The following ENO4 variants were observed in gnomAD, a reference collection of about 807,000 sequenced individuals.
ENO4 encodes the protein 2-phospho-D-glycerate hydro-lyase.
Under a neutral mutation model 63.2 loss-of-function variants are expected in ENO4, and 53 were observed. That is an observed-to-expected ratio of 0.84 (90% CI 0.67 to 1.05). The LOEUF (loss-of-function observed/expected upper bound fraction) is 1.05, where lower values mean the gene tolerates loss of function less well. ENO4 is among the 50% of genes least tolerant of loss of function. The pLI is 0.00. For missense variants in ENO4, 719 were observed against 772.0 expected, an observed-to-expected ratio of 0.93 and a Z score of 0.81; for synonymous variants, 266 against 283.8, an observed-to-expected ratio of 0.94 and a Z score of 0.63.
chr10:116,867,657 A>G (rs187196183), intron 7 of ENO4, among the ~76,000 whole-genome samples: 87 of 152,312 alleles, frequency 5.7e-4, no homozygotes, highest in Non-Finnish European at 9.4e-4. Context: ...ATTCTTAGTA[A>G]GGTAGACAGA....
chr10:116,910,984 T>G (rs933095235), intron 10 of ENO4, among the ~76,000 whole-genome samples: 3 of 152,240 alleles, frequency 2.0e-5, no homozygotes, highest in Non-Finnish European at 4.4e-5. Context: ...GATGTCTACA[T>G]GCAATGCATA....
intron 10 of ENO4, among the ~76,000 whole-genome samples, chr10:116,905,324 C>T (rs1454797971): frequency 2.0e-5 from 3 of 151,642 alleles, no homozygotes; most frequent in South Asian, 2.1e-4. Flanking sequence ...TTATATGTTA[C>T]GGGGAGGCTG....
At chr10:116,865,053 C>T (rs1846515577) in intron 7 of ENO4, among the ~76,000 whole-genome samples, 1 of 152,106 alleles carries the variant, frequency 6.6e-6, no homozygotes, top group African/African-American at 2.4e-5. Context: ...CAACAGAGAA[C>T]AGTGTTTAAA....
intron 10 of ENO4, chr10:116,901,800 T>C (rs1290489182): frequency 1.2e-6 from 2 of 1,601,642 alleles, no homozygotes; most frequent in Admixed American, 3.6e-5. Context: ...ATCCTTCCAA[T>C]TTACGGGGCC....
At chr10:116,859,390 G>A (rs369484934) in intron 4 of ENO4, among the ~76,000 whole-genome samples, 6 of 152,138 alleles carry the variant, frequency 3.9e-5, no homozygotes, top group East Asian at 1.9e-4. Context: ...TGCATTGAGC[G>A]GTGCCAAATT....
chr10:116,873,780 T>C (rs1483020621), intron 9 of ENO4: 2 of 750,036 alleles, frequency 2.7e-6, no homozygotes, highest in South Asian at 1.2e-4. Context: ...CAGCCAAGTC[T>C]AACAGATTAT....
chr10:116,879,160 C>A (rs1440446849), intron 11 of ENO4, 131 bp from the exon 12 acceptor site: 1 of 620,060 alleles, frequency 1.6e-6, no homozygotes, highest in Non-Finnish European at 2.8e-6. Context: ...ACGTTAGAAT[C>A]CTAGGTAGGC....
chr10:116,861,240 T>G, intron 6 of ENO4, 50 bp downstream of exon 6: 1 of 337,460 alleles, frequency 3.0e-6, no homozygotes, highest in Non-Finnish European at 4.7e-6. Flanking sequence ...AAAAAAAATA[T>G]ATATATATAT....
At position 116,901,119 on chromosome 10, in the gene ENO4, C is replaced by T. The variant is rs1051970736; in HGVS notation, c.1195-10380C>T. The T allele has an allele frequency of 9.1e-6, 9 of 985,226 alleles. No individual in the cohort carries two copies. In the African/African-American group the frequency reaches 1.4e-4, roughly 15 times the overall value. 61.0% of individuals were successfully genotyped at this position (985,226 alleles called of 1,614,324 possible). ...CTTTAAGTGACAAACTAGCTGACATCCTGGCAAGAGAACTAAAGCAAAACT... is the reference window on the plus strand; with the variant it reads ...CTTTAAGTGACAAACTAGCTGACATTCTGGCAAGAGAACTAAAGCAAAACT... On this transcript the variant is annotated intron_variant, in intron 10 of 10. Transcript: ENST00000369207.
rs1199998915 is a variant in ENO4, at chr10:116,882,504, G to C, written c.*835G>C. On this transcript the variant is annotated 3_prime_UTR_variant, in exon 14 of 14. Transcript: ENST00000341276. ...GGAGTAGCAGAAATAAATATATTCA[G>C]ACACAAACATATAGATATAATAATA... 4 of 151,466 alleles carry C rather than the reference G, an allele frequency of 2.6e-5. No individual in the cohort carries two copies. Among genetic ancestry groups the C allele is most frequent in the Non-Finnish European group, 5.9e-5 (4 of 67,980 alleles). The allele number at this position is 151,466 out of a possible 1,614,324, so 9.4% of individuals were successfully genotyped here. A position where few individuals can be genotyped will look rare whatever the true frequency, so the allele number is the denominator to read the frequency against.
At chr10:116,873,398 G>T (rs1846749342) in intron 9 of ENO4, among the ~76,000 whole-genome samples, 1 of 152,092 alleles carries the variant, frequency 6.6e-6, no homozygotes, top group African/African-American at 2.4e-5. Context: ...TTAAAAGGAA[G>T]GGTGCTTTGT....
chr10:116,881,921 C>T lies in ENO4; in HGVS notation c.*252C>T, dbSNP rs1304346892. ...TCTATTAGCTCTCCTGTCCATTTTT[C>T]AGGGACACGCTCCAGTAAAAGAGGC... On this transcript the variant is annotated 3_prime_UTR_variant, in exon 14 of 14. Transcript: ENST00000341276. 5.8e-6 allele frequency: 2 copies of T among 343,436 alleles called. No individual in the cohort carries two copies. The highest frequency in any genetic ancestry group is 4.2e-5 in the African/African-American group (2 of 47,438). The allele number at this position is 343,436 out of a possible 1,614,324, so 21.3% of individuals were successfully genotyped here. A position where few individuals can be genotyped will look rare whatever the true frequency, so the allele number is the denominator to read the frequency against.
chr10:116,861,219 TC>T (rs1846400166), intron 6 of ENO4, 29 bp downstream of exon 6: 1 of 737,192 alleles, frequency 1.4e-6, no homozygotes, highest in Non-Finnish European at 1.8e-6. Context: ...AATTACCTTT[TC>T]TAAAAAAAAA....
chr10:116,902,041 TC>T, intron 10 of ENO4: 1 of 1,272,658 alleles, frequency 7.9e-7, no homozygotes. Flanking sequence ...TAGCTGAAAA[TC>T]CCTCAAGAAG....
intron 11 of ENO4, among the ~76,000 whole-genome samples, chr10:116,878,229 G>A (rs950991062): frequency 3.9e-5 from 6 of 152,316 alleles, no homozygotes; most frequent in Middle Eastern, 3.4e-3. Flanking sequence ...GTGGGTCTCA[G>A]GAACTAGACA....
chr10:116,894,160 AC>A (rs1847434359), intron 10 of ENO4, among the ~76,000 whole-genome samples: 1 of 152,174 alleles, frequency 6.6e-6, no homozygotes, highest in Non-Finnish European at 1.5e-5. Context: ...TTTGTCAACT[AC>A]CCTTTGGTTT....
intron 11 of ENO4, 55 bp from the exon 12 acceptor site, chr10:116,879,236 C>T (rs1846927727): frequency 7.8e-7 from 1 of 1,275,424 alleles, no homozygotes; most frequent in African/African-American, 1.5e-5. Context: ...CCCAGAGGCC[C>T]ACATGTATCC....
intron 10 of ENO4, among the ~76,000 whole-genome samples, chr10:116,891,249 T>A (rs551074410): frequency 6.6e-6 from 1 of 152,372 alleles, no homozygotes; most frequent in African/African-American, 2.4e-5. Context: ...CCAAACAGTA[T>A]AAAAATGGTT....
In ENO4 at chr10:116,871,293, G is replaced by T. The variant is rs551637225; in HGVS notation, c.1215+1G>T. The T allele has an allele frequency of 1.3e-6, 2 of 1,548,580 alleles. No homozygotes were observed. Among genetic ancestry groups the T allele is most frequent in the African/African-American group, 2.7e-5 (2 of 72,990 alleles). On this transcript the variant is annotated splice_donor_variant, in intron 9 of 13. Transcript: ENST00000341276. LOFTEE classifies it high-confidence loss of function. Reference sequence around the variant, plus strand: ...TGCTGGACATGAGCTGATGGACTACGTAAGTTTCCACTTCAGAACATTCAC... The same window carrying T: ...TGCTGGACATGAGCTGATGGACTACTTAAGTTTCCACTTCAGAACATTCAC...
Sources: allele counts gnomAD v4.1 joint callset (sites outside exome capture counted in the v4.1 genomes callset), GRCh38; gene constraint gnomAD v4.1.1; transcripts MANE v1.5; gene names NCBI Gene and HGNC (gene_info 2026-07-23, HGNC 2026-07-21).